STAG2: variants seen among roughly 807,000 people sequenced by gnomAD.
The protein encoded by STAG2 is STAG2 cohesin complex component.
A neutral mutation model predicts 108.1 loss-of-function variants in STAG2; 14 were observed. That is an observed-to-expected ratio of 0.13 (90% CI 0.09 to 0.20). The LOEUF (loss-of-function observed/expected upper bound fraction) is 0.20, where lower values mean the gene tolerates loss of function less well. STAG2 is among the 10% of genes least tolerant of loss of function. The pLI is 1.00. For missense variants in STAG2, 440 were observed against 940.9 expected, an observed-to-expected ratio of 0.47 and a Z score of 6.96; for synonymous variants, 307 against 302.7, an observed-to-expected ratio of 1.01 and a Z score of -0.15.
chrX:124,073,260 A>G (rs1006931744), intron 25 of STAG2, among the ~76,000 whole-genome samples: 3 of 111,919 alleles, frequency 2.7e-5, no homozygotes, highest in Admixed American at 9.5e-5. Flanking sequence ...CTGATACAAA[A>G]TAAGTTTTAG....
intron 1 of STAG2, among the ~76,000 whole-genome samples, chrX:124,017,525 T>G (rs1379447767): frequency 8.9e-6 from 1 of 111,747 alleles, no homozygotes; most frequent in Non-Finnish European, 1.9e-5. Context: ...ATTAAAGACC[T>G]TTAAAACAGT....
intron 1 of STAG2, among the ~76,000 whole-genome samples, chrX:124,010,911 AT>A (rs2056501249): frequency 9.0e-6 from 1 of 110,632 alleles, no homozygotes; most frequent in South Asian, 3.8e-4. Flanking sequence ...TTTCAGCTTA[AT>A]TTTTTTCATT....
intron 13 of STAG2, among the ~76,000 whole-genome samples, chrX:124,055,370 A>G (rs753125957): frequency 1.8e-5 from 2 of 112,183 alleles, no homozygotes; most frequent in African/African-American, 6.5e-5. Flanking sequence ...TAGATTATAT[A>G]TATCACAGTA....
intron 1 of STAG2, among the ~76,000 whole-genome samples, chrX:123,994,514 A>C (rs2147787620): frequency 8.9e-6 from 1 of 112,156 alleles, no homozygotes; most frequent in Non-Finnish European, 1.9e-5. Context: ...CTGCTGCTCA[A>C]GATTTTGCTA....
rs2058631259 is a variant in STAG2, at chrX:124,070,198, A to G, written c.2359-951A>G. Among the ~76,000 whole-genome samples the G allele has an allele frequency of 2.7e-5, 3 of 111,932 alleles. No homozygotes were observed. In the South Asian group the frequency reaches 1.1e-3, roughly 41 times the overall value. ...AATATCATCATACTTAATACTTTAT[A>G]TCCTTACTCTTTATGTTGCAAGTTT... is the stretch of plus-strand genomic sequence containing the variant. On this transcript the variant is annotated intron_variant, in intron 24 of 34. Coordinates refer to ENST00000371145, the MANE Select transcript of STAG2 (RefSeq NM_001042750.2).
At position 124,050,175 on chromosome X, in the gene STAG2, C is replaced by T. The variant is rs2057993793; in HGVS notation, c.894-11C>T. ...CACTAATTATGCATCGTTTTTCCTT[C>T]CCCCATTCAGTGATGCGATAGCTGA... is the stretch of plus-strand genomic sequence containing the variant. On this transcript the variant is annotated splice_polypyrimidine_tract_variant and intron_variant, in intron 10 of 34. Coordinates refer to ENST00000371145, the MANE Select transcript of STAG2 (RefSeq NM_001042750.2). 2 of 1,205,793 alleles carry T rather than the reference C, an allele frequency of 1.7e-6. No individual in the cohort carries two copies. Among genetic ancestry groups the T allele is most frequent in the Non-Finnish European group, 2.2e-6 (2 of 892,828 alleles).
At chrX:124,056,507 G>C (rs2058199325) in intron 14 of STAG2, among the ~76,000 whole-genome samples, 1 of 109,446 alleles carries the variant, frequency 9.1e-6, no homozygotes, top group Admixed American at 9.8e-5. Flanking sequence ...GCCGAGGCGG[G>C]TGGATCACGA....
intron 28 of STAG2, among the ~76,000 whole-genome samples, chrX:124,082,675 T>C (rs1369511386): frequency 9.0e-6 from 1 of 111,261 alleles, no homozygotes; most frequent in African/African-American, 3.3e-5. Context: ...ATTATAGGTG[T>C]GAACCACCAC....
chrX:124,056,755 G>T (rs1326691135), intron 14 of STAG2, among the ~76,000 whole-genome samples: 4 of 69,655 alleles, frequency 5.7e-5, no homozygotes, highest in African/African-American at 1.9e-4. Context: ...AAAAAAAAAA[G>T]GGAAATGTAC....
intron 33 of STAG2, 98 bp downstream of exon 33, chrX:124,094,242 TAAG>T: frequency 3.3e-6 from 3 of 896,161 alleles, no homozygotes; most frequent in Non-Finnish European, 4.6e-6. Context: ...CCAAGAGAAG[TAAG>T]TTTTGCAAAA....
At chrX:124,087,662 T>A (rs1406781112) in intron 30 of STAG2, among the ~76,000 whole-genome samples, 3 of 112,339 alleles carry the variant, frequency 2.7e-5, no homozygotes, top group Non-Finnish European at 5.6e-5. Flanking sequence ...TCTTAAGGCC[T>A]GGGCCCAAAA....
intron 6 of STAG2, among the ~76,000 whole-genome samples, chrX:124,040,889 C>T (rs1325555258): frequency 2.4e-5 from 2 of 83,542 alleles, no homozygotes; most frequent in Admixed American, 3.1e-4. Context: ...GACAGAGTCT[C>T]ACTCTGTTGC....
chrX:124,014,979 C>CTTTTTTTTTTTTTTTTTTTTTTTTTT (rs34997317), intron 1 of STAG2, among the ~76,000 whole-genome samples: 1 of 44,519 alleles, frequency 2.2e-5, no homozygotes, highest in Non-Finnish European at 3.6e-5. Flanking sequence ...ACGTACTTTT[C>CTTTTTTTTTTTTTTTTTTTTTTTTTT]TTTTTTTTTT....
chrX:124,071,335 G>A lies in STAG2; in HGVS notation c.2533+12G>A. The A allele has an allele frequency of 8.8e-7, 1 of 1,135,883 alleles. No homozygotes were observed. The highest frequency in any genetic ancestry group is 1.2e-6 in the Non-Finnish European group (1 of 852,628). 93.6% of individuals were successfully genotyped at this position (1,135,883 alleles called of 1,213,427 possible). On this transcript the variant is annotated intron_variant, in intron 25 of 34. Transcript: ENST00000371145. ...TAATAATAGTGCAGGTAATTTTATT[G>A]CCATCTTTTTATTAAATCTGTGTCC...
At chrX:124,007,457 A>G (rs1169913433) in intron 1 of STAG2, among the ~76,000 whole-genome samples, 2 of 111,054 alleles carry the variant, frequency 1.8e-5, no homozygotes, top group African/African-American at 6.5e-5. Context: ...TTTTTTTTCC[A>G]ATTTGTCTTT....
chrX:124,005,480 A>G (rs1007485936), intron 1 of STAG2, among the ~76,000 whole-genome samples: 3 of 110,684 alleles, frequency 2.7e-5, no homozygotes, highest in Non-Finnish European at 3.8e-5. Context: ...TCCTTCCTCT[A>G]TTTGGTTTCT....
At chrX:124,049,230 G>T in intron 10 of STAG2, 152 bp downstream of exon 10, 2 of 448,909 alleles carry the variant, frequency 4.5e-6, no homozygotes, top group South Asian at 7.2e-5. Flanking sequence ...GTCACTCTGG[G>T]CAAGTTATTT....
intron 7 of STAG2, among the ~76,000 whole-genome samples, chrX:124,043,963 G>A (rs932637506): frequency 1.8e-5 from 2 of 111,253 alleles, no homozygotes; most frequent in Non-Finnish European, 3.8e-5. Flanking sequence ...AAAATTTTTC[G>A]CTGTGGGTTT....
intron 1 of STAG2, among the ~76,000 whole-genome samples, chrX:123,967,407 A>G (rs1381663396): frequency 9.2e-6 from 1 of 108,686 alleles, no homozygotes; most frequent in Non-Finnish European, 1.9e-5. Context: ...CTGGGATTAC[A>G]GGCATGTGCC....
Sources: gnomAD v4.1 joint callset for allele counts (sites outside exome capture counted in the v4.1 genomes callset) on GRCh38, gnomAD v4.1.1 for gene constraint, MANE v1.5 for transcripts, NCBI Gene and HGNC (gene_info 2026-07-23, HGNC 2026-07-21) for gene names.